Variants in SENP7 observed in about 807,000 individuals in gnomAD.
The protein encoded by SENP7 is sentrin-specific protease 7.
A neutral mutation model predicts 141.2 loss-of-function variants in SENP7; 64 were observed. That is an observed-to-expected ratio of 0.45 (90% CI 0.37 to 0.56). The LOEUF (loss-of-function observed/expected upper bound fraction) is 0.56, where lower values mean the gene tolerates loss of function less well. SENP7 is among the 20% of genes least tolerant of loss of function. The pLI, the probability that SENP7 is intolerant of heterozygous loss-of-function variation, is 0.00. For missense variants in SENP7, 1,025 were observed against 1,212.2 expected, an observed-to-expected ratio of 0.85 and a Z score of 2.29; for synonymous variants, 382 against 426.4, an observed-to-expected ratio of 0.90 and a Z score of 1.28.
chr3:101,357,965 T>A, intron 11 of SENP7: 2 of 656,654 alleles, frequency 3.0e-6, no homozygotes, highest in South Asian at 3.3e-5. Context: ...TAACCACCCC[T>A]CACCCCTTTT....
intron 1 of SENP7, among the ~76,000 whole-genome samples, chr3:101,508,460 G>T (rs987904600): frequency 6.6e-6 from 1 of 151,972 alleles, no homozygotes; most frequent in Admixed American, 6.6e-5. Context: ...TTAGCCAGGC[G>T]TGGTGGCGGG....
chr3:101,460,963 T>TA lies in SENP7; in HGVS notation c.187-1912dup, dbSNP rs201797088. ...AAAAAAAGGTATAGTATTCAAAATT[T>TA]AAAAAAAAAAACTCTTACAATTCAG... is the stretch of plus-strand genomic sequence containing the variant. On this transcript the variant is annotated intron_variant, in intron 3 of 23. Coordinates refer to ENST00000394095, the MANE Select transcript of SENP7 (RefSeq NM_020654.5). Among the ~76,000 whole-genome samples, 420 of 145,638 alleles carry TA rather than the reference T, an allele frequency of 2.9e-3. 5 individuals are homozygous for TA. The East Asian group carries it at 0.036, about 13-fold the overall frequency.
chr3:101,501,765 C>T (rs1015865825), intron 1 of SENP7, among the ~76,000 whole-genome samples: 3 of 152,206 alleles, frequency 2.0e-5, no homozygotes, highest in African/African-American at 7.2e-5. Flanking sequence ...GGGCAAATTC[C>T]AAACTTTCCT....
At chr3:101,422,872 G>GA (rs141420065) in intron 4 of SENP7, among the ~76,000 whole-genome samples, 7,497 of 151,984 alleles carry the variant, frequency 0.049, 262 homozygotes, top group Non-Finnish European at 0.073. Context: ...TGGTTTTCCA[G>GA]AAAACCTCAA....
intron 19 of SENP7, among the ~76,000 whole-genome samples, chr3:101,331,356 C>T (rs1455349597): frequency 6.6e-6 from 1 of 150,994 alleles, no homozygotes; most frequent in African/African-American, 2.4e-5. Flanking sequence ...GGTGGTGCAC[C>T]CCTGTAGTCC....
chr3:101,405,160 C>T (rs958345905), intron 5 of SENP7, among the ~76,000 whole-genome samples: 7 of 152,258 alleles, frequency 4.6e-5, no homozygotes, highest in Admixed American at 2.0e-4. Context: ...CACACACCTC[C>T]TGAAGGAAGC....
At chr3:101,403,436 G>C (rs1433768091) in intron 5 of SENP7, among the ~76,000 whole-genome samples, 1 of 152,180 alleles carries the variant, frequency 6.6e-6, no homozygotes, top group Non-Finnish European at 1.5e-5. Flanking sequence ...CCAACGCTCA[G>C]AAAAGTTAAA....
At chr3:101,504,152 C>A (rs571691192) in intron 1 of SENP7, among the ~76,000 whole-genome samples, 1 of 151,812 alleles carries the variant, frequency 6.6e-6, no homozygotes, top group Non-Finnish European at 1.5e-5. Flanking sequence ...TTTTCCTGAT[C>A]TAAAAAATTA....
At chr3:101,415,012 A>G (rs1420422632) in intron 5 of SENP7, among the ~76,000 whole-genome samples, 1 of 152,066 alleles carries the variant, frequency 6.6e-6, no homozygotes, top group Non-Finnish European at 1.5e-5. Flanking sequence ...GAAGAAAGAT[A>G]TTTTCTCTTT....
upstream of SENP7, chr3:101,513,212 GGAAAAAAAAAAAAAAAAAAAAAA>G: frequency 5.2e-5 from 7 of 134,522 alleles, no homozygotes; most frequent in South Asian, 1.0e-3. Context: ...GGAGGGGAAA[GGAAAAAAAAAAAAAAAAAAAAAA>G]AAAAAAAAAA....
chr3:101,349,702 A>G, intron 12 of SENP7, among the ~76,000 whole-genome samples: 1 of 152,190 alleles, frequency 6.6e-6, no homozygotes, highest in Non-Finnish European at 1.5e-5. Context: ...ATTTAAAAAA[A>G]GATTATCTTT....
intron 4 of SENP7, among the ~76,000 whole-genome samples, chr3:101,428,185 G>T (rs903074004): frequency 6.6e-6 from 1 of 152,184 alleles, no homozygotes; most frequent in African/African-American, 2.4e-5. Flanking sequence ...ACAGTAGAAT[G>T]ATCTATAATC....
intron 11 of SENP7, among the ~76,000 whole-genome samples, chr3:101,351,966 C>G (rs1317699396): frequency 6.6e-6 from 1 of 151,918 alleles, no homozygotes; most frequent in Non-Finnish European, 1.5e-5. Flanking sequence ...CAAGAGACCT[C>G]TAAGTAGCAG....
chr3:101,362,110 A>G (rs1317656379), intron 10 of SENP7, among the ~76,000 whole-genome samples: 1 of 152,196 alleles, frequency 6.6e-6, no homozygotes, highest in Non-Finnish European at 1.5e-5. Flanking sequence ...CCAGAAATAT[A>G]TACTCCTCTG....
chr3:101,401,931 C>T (rs2061155340), intron 5 of SENP7, among the ~76,000 whole-genome samples: 1 of 151,216 alleles, frequency 6.6e-6, no homozygotes, highest in Admixed American at 6.6e-5. Flanking sequence ...CTGTAGTGAG[C>T]CATGATGACG....
intron 11 of SENP7, chr3:101,357,778 G>T: frequency 1.6e-6 from 1 of 619,306 alleles, no homozygotes; most frequent in Non-Finnish European, 3.0e-6. Context: ...AAAGAATGAG[G>T]CAAAGCTTTT....
At chr3:101,410,689 A>G (rs757051397) in intron 5 of SENP7, among the ~76,000 whole-genome samples, 32 of 151,964 alleles carry the variant, frequency 2.1e-4, no homozygotes, top group Non-Finnish European at 4.0e-4. Context: ...TACTAAAAAT[A>G]CAAAGATTAG....
intron 2 of SENP7, among the ~76,000 whole-genome samples, chr3:101,499,738 T>C (rs990522668): frequency 6.6e-6 from 1 of 152,060 alleles, no homozygotes; most frequent in Non-Finnish European, 1.5e-5. Flanking sequence ...GGTTTCACCG[T>C]GTTAACCAGG....
At chr3:101,495,636 A>T (rs551662308) in intron 2 of SENP7, among the ~76,000 whole-genome samples, 1 of 152,314 alleles carries the variant, frequency 6.6e-6, no homozygotes, top group South Asian at 2.1e-4. Flanking sequence ...ATCTTCAGCA[A>T]ACTAATGCAG....
Sources: allele counts gnomAD v4.1 joint callset (sites outside exome capture counted in the v4.1 genomes callset), GRCh38; gene constraint gnomAD v4.1.1; transcripts MANE v1.5; gene names NCBI Gene and HGNC (gene_info 2026-07-23, HGNC 2026-07-21).